The following FSIP2 variants were observed in gnomAD, a reference collection of about 807,000 sequenced individuals.
FSIP2 encodes the protein fibrous sheath-interacting protein 2.
In FSIP2, 367 loss-of-function variants were observed where a neutral mutation model predicts 510.5. The ratio of observed to expected loss-of-function variants is 0.72; its 90% CI spans 0.66 to 0.78. The LOEUF (loss-of-function observed/expected upper bound fraction) is 0.78. Ranked by LOEUF, FSIP2 falls within the 30% of genes least tolerant of loss-of-function variation. The pLI, the probability that FSIP2 is intolerant of heterozygous loss-of-function variation, is 0.00. For missense variants in FSIP2, 7,594 were observed against 7,901.7 expected, an observed-to-expected ratio of 0.96 and a Z score of 1.48; for synonymous variants, 2,601 against 2,732.2, an observed-to-expected ratio of 0.95 and a Z score of 1.50.
rs1693131363 is a variant in FSIP2 at position 185,791,621 on chromosome 2, A to G, written c.4485A>G (p.Leu1495=). 4 of 1,534,124 alleles carry G rather than the reference A, an allele frequency of 2.6e-6. No individual in the cohort carries two copies. Among genetic ancestry groups the G allele is most frequent in the Non-Finnish European group, 3.5e-6 (4 of 1,145,516 alleles). The change falls in exon 16 of 23, where the codon TTA becomes TTG. Residue 1495 remains leucine (L), a synonymous_variant. Transcript: ENST00000424728. Reference sequence around the variant, plus strand: ...TTTTGGATTATATCCTTGCAAAATTATGTGGTGTTGACATGGATACCAGTT... The same window carrying G: ...TTTTGGATTATATCCTTGCAAAATTGTGTGGTGTTGACATGGATACCAGTT... ...KAILDYILAK[L]CGVDMDTSFA...
chr2:185,800,277 G>C lies in FSIP2; in HGVS notation c.10971G>C (p.Trp3657Cys). The C allele has an allele frequency of 6.5e-7, 1 of 1,533,962 alleles. No individual in the cohort carries two copies. The highest frequency in any genetic ancestry group is 1.2e-5 in the South Asian group (1 of 83,890). ...KINRQASPRDWQFSTQQIGQL... is the reference protein window; with the variant it reads ...KINRQASPRDCQFSTQQIGQL... ...ATAGACAGGCAAGCCCCAGAGACTG[G>C]CAATTTTCTACTCAACAAATTGGTC... Residue 3657 changes from tryptophan (W) to cysteine (C), a missense_variant, in exon 17 of 23, where the codon TGG becomes TGC. Trp to Cys is a radical substitution (Grantham distance 215). Transcript: ENST00000424728.
intron 2 of FSIP2, among the ~76,000 whole-genome samples, 186 bp from the exon 3 acceptor site, chr2:185,742,947 T>C (rs996602850): frequency 6.6e-6 from 1 of 152,176 alleles, no homozygotes; most frequent in African/African-American, 2.4e-5. Context: ...GGATAATTTA[T>C]GCAGGTGAGG....
intron 13 of FSIP2, among the ~76,000 whole-genome samples, chr2:185,780,082 A>T (rs1287681336): frequency 3.8e-4 from 58 of 152,168 alleles, no homozygotes; most frequent in East Asian, 3.7e-3. Context: ...CAAAAAAAAA[A>T]AAAATTGTTT....
At chr2:185,764,469 G>C in intron 12 of FSIP2, 33 bp from the exon 13 acceptor site, 6 of 1,432,568 alleles carry the variant, frequency 4.2e-6, no homozygotes, top group Non-Finnish European at 5.6e-6. Flanking sequence ...TTTTTTTGTG[G>C]ATCTATTTGT....
chr2:185,782,790 C>G, intron 14 of FSIP2, 28 bp downstream of exon 14: 1 of 1,156,902 alleles, frequency 8.6e-7, no homozygotes, highest in Non-Finnish European at 1.2e-6. Flanking sequence ...TATATATAAT[C>G]ATAACTAATT....
At chr2:185,780,427 A>G (rs1296997451) in intron 13 of FSIP2, among the ~76,000 whole-genome samples, 1 of 151,604 alleles carries the variant, frequency 6.6e-6, no homozygotes, top group African/African-American at 2.4e-5. Flanking sequence ...GTTTTTCTAT[A>G]TAGTTTATTA....
At chr2:185,737,497 G>C (rs1000808272), upstream of FSIP2, among the ~76,000 whole-genome samples, 4 of 152,322 alleles carry the variant, frequency 2.6e-5, no homozygotes, top group East Asian at 7.7e-4. Context: ...GCTTAACCGG[G>C]AGAGTAAAGT....
chr2:185,771,659 A>G (rs1692610862), intron 13 of FSIP2, among the ~76,000 whole-genome samples: 1 of 152,158 alleles, frequency 6.6e-6, no homozygotes, highest in Non-Finnish European at 1.5e-5. Context: ...GGGCTTTCCC[A>G]AAGACTTCTG....
intron 13 of FSIP2, among the ~76,000 whole-genome samples, chr2:185,782,334 A>T (rs1008611879): frequency 6.6e-6 from 1 of 152,214 alleles, no homozygotes; most frequent in African/African-American, 2.4e-5. Flanking sequence ...AGTTAACATA[A>T]GCTGAACGAG....
intron 13 of FSIP2, among the ~76,000 whole-genome samples, chr2:185,780,564 A>AC (rs1454382366): frequency 6.7e-6 from 1 of 148,688 alleles, no homozygotes; most frequent in African/African-American, 2.5e-5. Flanking sequence ...TCCTTTCAAA[A>AC]CCCTTCTTTA....
intron 7 of FSIP2, among the ~76,000 whole-genome samples, chr2:185,749,797 T>C (rs1692107224): frequency 6.6e-6 from 1 of 151,764 alleles, no homozygotes; most frequent in African/African-American, 2.4e-5. Context: ...GGTATGGGTT[T>C]TTTTTACAGG....
intron 13 of FSIP2, among the ~76,000 whole-genome samples, chr2:185,775,883 T>C (rs6733690): frequency 0.54 from 82,722 of 151,976 alleles, 22,778 homozygotes; most frequent in South Asian, 0.64. Flanking sequence ...AGGCTGGTGT[T>C]GAATTCCTGA....
rs1483680238 is a variant in FSIP2, at chr2:185,766,292, G to A, written c.1411+1727G>A. 19 of 151,180 alleles carry A rather than the reference G, an allele frequency of 1.3e-4. 1 individual carries two copies. The East Asian group carries it at 2.4e-3, about 19-fold the overall frequency. 9.4% of individuals were successfully genotyped at this position (151,180 alleles called of 1,614,324 possible). On this transcript the variant is annotated intron_variant, in intron 13 of 22. Transcript: ENST00000424728. ...CATGTCTAAAACACCAAAAGCAATG[G>A]CAACAAAAGCCAAAATTGACAAATG...
intron 8 of FSIP2, among the ~76,000 whole-genome samples, chr2:185,755,464 A>G (rs945796471): frequency 2.0e-5 from 3 of 151,640 alleles, no homozygotes; most frequent in African/African-American, 7.3e-5. Flanking sequence ...ATTTAGATAC[A>G]CTGTTGAAGA....
intron 7 of FSIP2, among the ~76,000 whole-genome samples, chr2:185,752,387 G>T (rs1352269630): frequency 6.6e-6 from 1 of 151,134 alleles, no homozygotes; most frequent in Non-Finnish European, 1.5e-5. Flanking sequence ...TGAGAAATTT[G>T]ATTATTATGA....
chr2:185,823,178 C>A (rs941677998), intron 19 of FSIP2, among the ~76,000 whole-genome samples: 13 of 151,618 alleles, frequency 8.6e-5, no homozygotes, highest in Non-Finnish European at 1.9e-4. Flanking sequence ...GTTATGATAC[C>A]AAAGCACAAG....
intron 2 of FSIP2, among the ~76,000 whole-genome samples, chr2:185,739,868 C>G (rs1322417366): frequency 6.6e-6 from 1 of 151,998 alleles, no homozygotes; most frequent in Admixed American, 6.6e-5. Context: ...GGACCAAACT[C>G]TCTTCACGGG....
In FSIP2 at chr2:185,750,879, A is replaced by G. The variant is rs1692132743; in HGVS notation, c.871-2843A>G. Among the ~76,000 whole-genome samples, 3 of 151,528 alleles carry G rather than the reference A, an allele frequency of 2.0e-5. No homozygotes were observed. In the Admixed American group the frequency reaches 2.0e-4, roughly 10 times the overall value. On this transcript the variant is annotated intron_variant, in intron 7 of 22. Coordinates refer to ENST00000424728, the MANE Select transcript of FSIP2 (RefSeq NM_173651.4). ...TAAAAATGTGTCATTTAGCTTCTAAATATTTGGAGTGTGTCCAAGATCTTT... is the reference window on the plus strand; with the variant it reads ...TAAAAATGTGTCATTTAGCTTCTAAGTATTTGGAGTGTGTCCAAGATCTTT...
chr2:185,742,303 C>T (rs1559007779), intron 2 of FSIP2, among the ~76,000 whole-genome samples: 1 of 152,202 alleles, frequency 6.6e-6, no homozygotes, highest in Non-Finnish European at 1.5e-5. Flanking sequence ...CACCAAAAAA[C>T]TCACTTTGCT....
Sources: gnomAD v4.1 joint callset for allele counts (sites outside exome capture counted in the v4.1 genomes callset) on GRCh38, gnomAD v4.1.1 for gene constraint, MANE v1.5 for transcripts, NCBI Gene and HGNC (gene_info 2026-07-23, HGNC 2026-07-21) for gene names.